The following GRM8 variants were observed in gnomAD, a reference collection of about 807,000 sequenced individuals.
The protein encoded by GRM8 is metabotropic glutamate receptor 8.
GRM8 carries 47 observed loss-of-function variants against 87.2 expected under a neutral mutation model. The observed-to-expected ratio is 0.54, with a 90% CI of 0.43 to 0.69. GRM8 has a LOEUF of 0.69. Among genes scored for constraint, GRM8 ranks in the 30% least tolerant of loss-of-function variants. GRM8 has a pLI of 0.00. For missense variants in GRM8, 1,019 were observed against 1,139.2 expected, an observed-to-expected ratio of 0.89 and a Z score of 1.52; for synonymous variants, 396 against 404.5, an observed-to-expected ratio of 0.98 and a Z score of 0.25.
At chr7:127,224,115 CAGA>C (rs1202972730) in intron 2 of GRM8, among the ~76,000 whole-genome samples, 1 of 151,938 alleles carries the variant, frequency 6.6e-6, no homozygotes, top group Non-Finnish European at 1.5e-5. Context: ...ATCTGACTCC[CAGA>C]AGGAGAGGAA....
chr7:126,695,743 A>C (rs1027094377), intron 7 of GRM8, among the ~76,000 whole-genome samples: 7 of 152,106 alleles, frequency 4.6e-5, no homozygotes, highest in African/African-American at 1.7e-4. Context: ...GAAAGACTTT[A>C]AGTAGTCAAG....
At chr7:126,639,739 G>A (rs879895515) in intron 7 of GRM8, among the ~76,000 whole-genome samples, 4 of 152,282 alleles carry the variant, frequency 2.6e-5, no homozygotes, top group East Asian at 1.9e-4. Context: ...TACTGATCAC[G>A]ATTAAATGAA....
At chr7:126,837,363 T>A (rs542288273) in intron 6 of GRM8, among the ~76,000 whole-genome samples, 177 of 152,380 alleles carry the variant, frequency 1.2e-3, no homozygotes, top group Non-Finnish European at 1.8e-3. Context: ...TCTGTTTATA[T>A]GGACTATTTT....
chr7:126,708,474 C>T (rs1810770413), intron 7 of GRM8, among the ~76,000 whole-genome samples: 1 of 151,442 alleles, frequency 6.6e-6, no homozygotes, highest in East Asian at 1.9e-4. Flanking sequence ...TGGAATCAGC[C>T]TAAGTGTCTG....
At chr7:127,015,980 A>T (rs1815629539) in intron 3 of GRM8, among the ~76,000 whole-genome samples, 1 of 152,130 alleles carries the variant, frequency 6.6e-6, no homozygotes, top group Admixed American at 6.6e-5. Flanking sequence ...GCATATTTTT[A>T]AAAATTCCTT....
intron 6 of GRM8, among the ~76,000 whole-genome samples, chr7:126,846,909 C>T (rs2130667301): frequency 6.6e-6 from 1 of 152,222 alleles, no homozygotes; most frequent in South Asian, 2.1e-4. Flanking sequence ...TGGTATTTTT[C>T]CTATTGCACC....
At chr7:126,990,156 G>GT (rs1184530343) in intron 3 of GRM8, among the ~76,000 whole-genome samples, 6 of 152,060 alleles carry the variant, frequency 3.9e-5, no homozygotes, top group African/African-American at 1.4e-4. Context: ...AGACACTGTT[G>GT]TTTGGCCAAC....
At chr7:127,223,443 GCACACACACACACACACACACACACA>G (rs61674303) in intron 2 of GRM8, among the ~76,000 whole-genome samples, 1 of 143,980 alleles carries the variant, frequency 6.9e-6, no homozygotes, top group Non-Finnish European at 1.5e-5. Context: ...ACACACACAC[GCACACACACACACACACACACACACA>G]CACACACACA....
At chr7:127,081,155 C>T (rs961962731) in intron 3 of GRM8, among the ~76,000 whole-genome samples, 4 of 152,148 alleles carry the variant, frequency 2.6e-5, no homozygotes, top group African/African-American at 9.7e-5. Flanking sequence ...AAGGTCCTTT[C>T]TGGGCTAGCC....
chr7:126,670,827 C>T (rs574774860), intron 7 of GRM8, among the ~76,000 whole-genome samples: 1 of 152,222 alleles, frequency 6.6e-6, no homozygotes, highest in Admixed American at 6.5e-5. Flanking sequence ...GTCAAGGAAA[C>T]TTAGTTTGAA....
intron 6 of GRM8, among the ~76,000 whole-genome samples, chr7:126,898,975 T>C (rs1801805427): frequency 6.6e-6 from 1 of 151,726 alleles, no homozygotes; most frequent in Non-Finnish European, 1.5e-5. Flanking sequence ...TTCCCCTCTC[T>C]GTGTCCATAT....
intron 3 of GRM8, among the ~76,000 whole-genome samples, chr7:127,048,873 C>A (rs1166351996): frequency 6.6e-6 from 1 of 152,048 alleles, no homozygotes; most frequent in Non-Finnish European, 1.5e-5. Flanking sequence ...AAATAAAAAA[C>A]TAGTTGGATG....
At chr7:127,076,071 TAAG>T (rs1586928257) in intron 3 of GRM8, 4 of 436,604 alleles carry the variant, frequency 9.2e-6, no homozygotes, top group Non-Finnish European at 1.4e-5. Context: ...ACATTGTATG[TAAG>T]AAGAAGAAAC....
chr7:127,098,048 T>C (rs921963043), intron 3 of GRM8, among the ~76,000 whole-genome samples: 1 of 152,186 alleles, frequency 6.6e-6, no homozygotes, highest in Admixed American at 6.5e-5. Context: ...CATATGCATG[T>C]CCTTTGGATC....
intron 3 of GRM8, among the ~76,000 whole-genome samples, chr7:127,070,273 G>T (rs1000336699): frequency 6.6e-6 from 1 of 152,014 alleles, no homozygotes; most frequent in African/African-American, 2.4e-5. Flanking sequence ...TCTACATAAG[G>T]ATCATTATAT....
chr7:126,999,553 A>G (rs994185722), intron 3 of GRM8, among the ~76,000 whole-genome samples: 5 of 151,838 alleles, frequency 3.3e-5, no homozygotes, highest in Admixed American at 2.0e-4. Context: ...GAAAAAATAC[A>G]ATAATCTGAT....
intron 7 of GRM8, among the ~76,000 whole-genome samples, chr7:126,669,806 T>C (rs1019886933): frequency 2.0e-5 from 3 of 152,242 alleles, no homozygotes; most frequent in African/African-American, 7.2e-5. Context: ...AATGTGCTTT[T>C]TCTTTGTAAA....
rs570724584 is a variant in GRM8 at position 126,500,936 on chromosome 7, CTTTG to C, written c.2430+32012_2430+32015del. Among the ~76,000 whole-genome samples the C allele has an allele frequency of 3.9e-5, 6 of 152,046 alleles. No homozygotes were observed. The South Asian group carries it at 6.2e-4, about 16-fold the overall frequency. ...GCTATTTGTTATGCTCTCCCTTAGT[CTTTG>C]TTTATCAAATCACATGTTTATTTTT... On this transcript the variant is annotated intron_variant, in intron 9 of 10. Transcript: ENST00000339582.
intron 1 of GRM8, among the ~76,000 whole-genome samples, chr7:127,251,776 T>G (rs1587379492): frequency 6.6e-6 from 1 of 151,700 alleles, no homozygotes; most frequent in African/African-American, 2.4e-5. Flanking sequence ...GCTGTTGGGG[T>G]GCGTTTGCCT....
Sources: gnomAD v4.1 joint callset for allele counts (sites outside exome capture counted in the v4.1 genomes callset) on GRCh38, gnomAD v4.1.1 for gene constraint, MANE v1.5 for transcripts, NCBI Gene and HGNC (gene_info 2026-07-23, HGNC 2026-07-21) for gene names.